Variants in VPS13C observed in about 807,000 individuals in gnomAD.
The protein encoded by VPS13C is vacuolar protein sorting 13 homolog C, also known as intermembrane lipid transfer protein VPS13C.
A neutral mutation model predicts 456.8 loss-of-function variants in VPS13C; 358 were observed. The ratio of observed to expected loss-of-function variants is 0.78; its 90% CI spans 0.72 to 0.86. VPS13C has a LOEUF of 0.86. VPS13C is among the 40% of genes least tolerant of loss of function. VPS13C has a pLI of 0.00. For synonymous variants in VPS13C, 1,578 were observed against 1,486.7 expected, an observed-to-expected ratio of 1.06 and a Z score of -1.41; for missense variants, 4,818 against 4,385.4, an observed-to-expected ratio of 1.10 and a Z score of -2.79.
In VPS13C at chr15:61,951,019, T is replaced by C. The variant is rs377295139; in HGVS notation, c.4462A>G (p.Lys1488Glu). Residue 1488 changes from lysine to glutamate, a missense_variant, in exon 40 of 85, where the codon AAA becomes GAA. Coordinates refer to ENST00000644861, the MANE Select transcript of VPS13C (RefSeq NM_020821.3). ...TTAATAATGTGAAGAGGTTCCCCTT[T>C]AGAGTCTAAAAGAGAAAAAAGACAA... ...SMQCFDFTDS[K>E]GEPLHIINSS... The C allele has an allele frequency of 1.8e-5, 29 of 1,589,798 alleles. No individual in the cohort carries two copies. The Middle Eastern group carries it at 8.7e-4, about 48-fold the overall frequency.
chr15:61,971,749 A>G (rs1031164979), intron 27 of VPS13C, among the ~76,000 whole-genome samples: 1 of 152,230 alleles, frequency 6.6e-6, no homozygotes, highest in Admixed American at 6.5e-5. Context: ...ATGGGATTTA[A>G]TGATATTTTG....
At chr15:61,882,115 T>C (rs1895901288) in intron 69 of VPS13C, among the ~76,000 whole-genome samples, 9 of 152,134 alleles carry the variant, frequency 5.9e-5, no homozygotes, top group Admixed American at 5.9e-4. Context: ...AGATTTCAAT[T>C]CTCTATGGTT....
chr15:61,891,684 T>G (rs551353119), intron 66 of VPS13C, among the ~76,000 whole-genome samples: 2 of 152,356 alleles, frequency 1.3e-5, no homozygotes, highest in South Asian at 4.1e-4. Context: ...GCATGAAGGT[T>G]TATGGCTATC....
rs140498350 is a variant in VPS13C at position 61,982,189 on chromosome 15, G to A, written c.2029+270C>T. ...CAGTTTCTTAAGAACTGAGATGGAG[G>A]GTTGTTTTCCATCTCAAGCTCATTC... On this transcript the variant is annotated intron_variant, in intron 21 of 84. Coordinates refer to ENST00000644861, the MANE Select transcript of VPS13C (RefSeq NM_020821.3). Among the ~76,000 whole-genome samples, 386 of 152,224 alleles carry A rather than the reference G, an allele frequency of 2.5e-3. 2 individuals carry two copies. The highest frequency in any genetic ancestry group is 4.7e-3 in the Admixed American group (72 of 15,304).
intron 6 of VPS13C, among the ~76,000 whole-genome samples, chr15:62,027,892 G>A (rs2047690215): frequency 6.6e-6 from 1 of 151,948 alleles, no homozygotes; most frequent in South Asian, 2.1e-4. Flanking sequence ...CTACAACAGA[G>A]GTGAAACAAA....
intron 66 of VPS13C, among the ~76,000 whole-genome samples, chr15:61,902,181 C>T (rs1257730580): frequency 1.3e-5 from 2 of 150,542 alleles, no homozygotes; most frequent in African/African-American, 4.9e-5. Flanking sequence ...TTAGTGGGTG[C>T]AGCGCACCAG....
intron 81 of VPS13C, among the ~76,000 whole-genome samples, chr15:61,868,164 TAAAAC>T (rs922133543): frequency 6.6e-6 from 1 of 152,064 alleles, no homozygotes; most frequent in African/African-American, 2.4e-5. Flanking sequence ...ATAATCAAGT[TAAAAC>T]TAAAATAAAA....
intron 27 of VPS13C, among the ~76,000 whole-genome samples, chr15:61,971,816 T>G (rs2045564889): frequency 6.6e-6 from 1 of 152,192 alleles, no homozygotes; most frequent in South Asian, 2.1e-4. Flanking sequence ...GAACATACCT[T>G]TCTCTAAACA....
intron 27 of VPS13C, among the ~76,000 whole-genome samples, chr15:61,970,602 C>G (rs1459111195): frequency 1.3e-5 from 2 of 151,996 alleles, no homozygotes; most frequent in Non-Finnish European, 2.9e-5. Context: ...TCAAGACCAG[C>G]CTGGGCAACA....
intron 81 of VPS13C, chr15:61,864,911 A>T: frequency 1.0e-6 from 1 of 974,444 alleles, no homozygotes; most frequent in Non-Finnish European, 1.2e-6. Flanking sequence ...TAGATCTGAA[A>T]TGCAAGTACA....
At chr15:61,969,112 A>G (rs1251284469) in intron 28 of VPS13C, among the ~76,000 whole-genome samples, 187 bp downstream of exon 28, 1 of 152,140 alleles carries the variant, frequency 6.6e-6, no homozygotes, top group African/African-American at 2.4e-5. Flanking sequence ...ACTTACATTT[A>G]AACCATAGAT....
chr15:61,972,648 G>C lies in VPS13C; in HGVS notation c.2734C>G (p.Leu912Val). The C allele has an allele frequency of 6.2e-7, 1 of 1,613,026 alleles. No homozygotes were observed. Residue 912 changes from leucine to valine, a missense_variant, in exon 27 of 85, where the codon CTA becomes GTA. Leu to Val is a conservative substitution (Grantham distance 32). This residue lies in a region of VPS13C where 4,552 missense variants were observed against 4,130.6 expected (regional missense o/e 1.10). Transcript: ENST00000644861. ...EVPNEELINL[L>V]LKFEIKEVIL... ...ACTTCTTTAATTTCAAACTTGAGTA[G>C]AAGATTGATGAGCTCCTCATTTGGG...
Position 61,925,477 on chromosome 15 carries a change from C to T in VPS13C, c.6588G>A (p.Met2196Ile), listed in dbSNP as rs780094863. The change falls in exon 53 of 85, where the codon ATG (methionine) becomes ATA (isoleucine). Residue 2196 changes from methionine to isoleucine, a missense_variant. Around this residue, in one of 3 missense-constraint regions of VPS13C, gnomAD observed 4,552 missense variants for 4,130.6 expected, o/e 1.10. Coordinates refer to ENST00000644861, the MANE Select transcript of VPS13C (RefSeq NM_020821.3). ...TAACCTTAATTATAAATTCTTTAAC[C>T]ATAATATTTATATTTTGCTTTCCTG... is the stretch of plus-strand genomic sequence containing the variant. ...WASGKQNINI[M>I]VKEFIIKISP... The T allele has an allele frequency of 6.3e-7, 1 of 1,587,388 alleles. No homozygotes were observed. The highest frequency in any genetic ancestry group is 1.1e-5 in the South Asian group (1 of 87,408).
chr15:62,033,867 A>T (rs1596508099), intron 4 of VPS13C, among the ~76,000 whole-genome samples: 1 of 151,770 alleles, frequency 6.6e-6, no homozygotes, highest in East Asian at 1.9e-4. Flanking sequence ...CTGCTCTATC[A>T]GTGGTAAATC....
At chr15:61,898,078 G>A (rs981341664) in intron 66 of VPS13C, among the ~76,000 whole-genome samples, 14 of 152,032 alleles carry the variant, frequency 9.2e-5, no homozygotes, top group Non-Finnish European at 1.8e-4. Flanking sequence ...CACCAGACAT[G>A]CCCTATAAGA....
chr15:61,915,356 A>G (rs547556939), intron 61 of VPS13C, among the ~76,000 whole-genome samples: 1 of 152,308 alleles, frequency 6.6e-6, no homozygotes, highest in Non-Finnish European at 1.5e-5. Flanking sequence ...AAGTACATAA[A>G]TTCAAGCTAT....
chr15:61,865,118 C>T (rs1250281625), intron 81 of VPS13C: 2 of 984,614 alleles, frequency 2.0e-6, no homozygotes, highest in Non-Finnish European at 2.4e-6. Context: ...AGCAGGGAGA[C>T]CAAATTAGTT....
chr15:61,954,942 T>C (rs914346817), intron 37 of VPS13C, among the ~76,000 whole-genome samples: 4 of 152,116 alleles, frequency 2.6e-5, no homozygotes, highest in Admixed American at 6.6e-5. Context: ...CAGGGAATGA[T>C]AACACATGAT....
chr15:61,990,924 A>G, intron 18 of VPS13C, 76 bp downstream of exon 18: 1 of 970,480 alleles, frequency 1.0e-6, no homozygotes, highest in Admixed American at 2.4e-5. Context: ...TACTTAAAAA[A>G]ATCAGTAAGT....
Sources: gnomAD v4.1 joint callset for allele counts (sites outside exome capture counted in the v4.1 genomes callset) on GRCh38, gnomAD v4.1.1 for gene constraint, gnomAD v4.1.1 regional missense constraint, MANE v1.5 for transcripts, NCBI Gene and HGNC (gene_info 2026-07-23, HGNC 2026-07-21) for gene names.